The following NECTIN1 variants were observed in gnomAD, a reference collection of about 807,000 sequenced individuals.
The protein encoded by NECTIN1 is nectin cell adhesion molecule 1.
In NECTIN1, 23 loss-of-function variants were observed where a neutral mutation model predicts 48.0. The observed-to-expected ratio is 0.48, with a 90% CI of 0.34 to 0.68. The LOEUF is 0.68. Ranked by LOEUF, NECTIN1 falls within the 30% of genes least tolerant of loss-of-function variation. The pLI is 0.01. For missense variants in NECTIN1, 591 were observed against 709.9 expected (o/e 0.83, Z 1.90); for synonymous variants, 270 against 288.9 (o/e 0.93, Z 0.66).
Position 119,728,515 on chromosome 11 carries a change from C to A in NECTIN1, c.39G>T (p.Trp13Cys). ...RMGLAGAAGR[W>C]WGLALGLTAF... ...CGGTCAAGCCGAGAGCGAGTCCCCA[C>A]CAGCGTCCAGCGGCGCCCGCAAGCC... Residue 13 changes from tryptophan to cysteine, a missense_variant, in exon 1 of 6, where the codon TGG (tryptophan) becomes TGT (cysteine). Transcript: ENST00000264025. 1 of 1,597,242 alleles carries A rather than the reference C, an allele frequency of 6.3e-7. No individual in the cohort carries two copies. Among genetic ancestry groups the A allele is most frequent in the Non-Finnish European group, 8.5e-7 (1 of 1,172,632 alleles).
Position 119,677,556 on chromosome 11 carries a change from C to T in NECTIN1, c.732G>A (p.Gln244=). ...CCCCTGGCAGCCAGCCCTGCTCACA[C>T]TGCACGTTGAGAGTGAGGCTTTCCT... ...RFKESLTLNV[Q]YEPEVTIEGF... The change falls in exon 3 of 6, where the codon CAG becomes CAA. Residue 244 remains glutamine, a splice_region_variant and synonymous_variant. Transcript: ENST00000264025. This position sits in a 1 kb window ranked among gnomAD's most constrained non-coding sequence, Gnocchi z 5.4. The T allele has an allele frequency of 2.5e-6, 4 of 1,612,564 alleles. No homozygotes were observed. The highest frequency in any genetic ancestry group is 1.1e-5 in the South Asian group (1 of 91,004).
At position 119,663,503 on chromosome 11, in the gene NECTIN1, G is replaced by A; in HGVS notation, c.*1244C>T. 2.0e-6 allele frequency: 2 copies of A among 985,552 alleles called. No homozygotes were observed. Among genetic ancestry groups the A allele is most frequent in the South Asian group, 4.7e-5 (1 of 21,294 alleles). 61.1% of individuals were successfully genotyped at this position (985,552 alleles called of 1,614,324 possible). ...AGCGGCCCCACCCCCCTCACTTTCTGCCAGGCCCGAGGCTTTGACAATGGC... is the reference window on the plus strand; with the variant it reads ...AGCGGCCCCACCCCCCTCACTTTCTACCAGGCCCGAGGCTTTGACAATGGC... On this transcript the variant is annotated 3_prime_UTR_variant, in exon 6 of 6. Transcript: ENST00000264025.
At chr11:119,638,332 A>T in intron 7 of NECTIN1, 3 of 1,530,838 alleles carry the variant, frequency 2.0e-6, no homozygotes, top group Non-Finnish European at 2.7e-6. Context: ...TTGGATTGGG[A>T]CTCCTCAGTT....
intron 5 of NECTIN1, among the ~76,000 whole-genome samples, chr11:119,655,424 T>G (rs1257524186): frequency 3.3e-5 from 5 of 152,100 alleles, no homozygotes; most frequent in Admixed American, 6.5e-5. Flanking sequence ...CTGCGACTGG[T>G]CTGTAGGTAA....
In NECTIN1 at chr11:119,727,016, AC is replaced by A. The variant is rs906823492; in HGVS notation, c.79+1458del. ...CACCTGTGAGCCCTGGATTTTCCCC[AC>A]CCCCCACATCGAGCAGGGCAGCACC... On this transcript the variant is annotated intron_variant, in intron 1 of 5. Coordinates refer to ENST00000264025, the MANE Select transcript of NECTIN1 (RefSeq NM_002855.5). The surrounding 1 kb of genome is among the most constrained non-coding windows in gnomAD (Gnocchi z 4.1). Among the ~76,000 whole-genome samples the A allele has an allele frequency of 1.3e-5, 2 of 151,252 alleles. No homozygotes were observed. The highest frequency in any genetic ancestry group is 2.9e-5 in the Non-Finnish European group (2 of 67,804).
At chr11:119,650,334 A>T (rs1439552539) in intron 5 of NECTIN1, among the ~76,000 whole-genome samples, 1 of 152,178 alleles carries the variant, frequency 6.6e-6, no homozygotes, top group African/African-American at 2.4e-5. Context: ...AGTGCTGTGT[A>T]TTCTACAACT....
intron 5 of NECTIN1, chr11:119,641,054 C>T (rs1864316343): frequency 6.6e-6 from 1 of 152,150 alleles, no homozygotes; most frequent in African/African-American, 2.4e-5. Context: ...CTCATTCACT[C>T]ACTCACTTTC....
chr11:119,713,996 C>T (rs555421936), intron 1 of NECTIN1: 5 of 386,564 alleles, frequency 1.3e-5, no homozygotes, highest in East Asian at 7.7e-5. Flanking sequence ...CCTGAGTGGC[C>T]CCCCCCTTGG....
intron 5 of NECTIN1, among the ~76,000 whole-genome samples, chr11:119,644,513 C>T (rs1024044862): frequency 6.6e-6 from 1 of 152,230 alleles, no homozygotes; most frequent in African/African-American, 2.4e-5. Flanking sequence ...CCTGTTGTTC[C>T]TCCTTCAGTT....
At chr11:119,667,355 T>TGGGAGGGATG (rs749383253) in intron 5 of NECTIN1, among the ~76,000 whole-genome samples, 2,802 of 152,086 alleles carry the variant, frequency 0.018, 95 homozygotes, top group African/African-American at 0.064. Flanking sequence ...TCTTCATCCA[T>TGGGAGGGATG]CCCTCCCATC....
exon 7 of NECTIN1, chr11:119,638,765 C>T (rs371021688): frequency 2.5e-6 from 4 of 1,614,000 alleles, no homozygotes; most frequent in Non-Finnish European, 3.4e-6. Flanking sequence ...GCTTTGCCTG[C>T]TGGGAGAAGG....
chr11:119,668,933 A>C (rs1298005781), intron 5 of NECTIN1, among the ~76,000 whole-genome samples: 1 of 152,164 alleles, frequency 6.6e-6, no homozygotes, highest in African/African-American at 2.4e-5. Context: ...CTATAAGCTC[A>C]CTATTGTTAC....
chr11:119,728,644 G>C lies in NECTIN1; in HGVS notation c.-91C>G. 2 of 766,826 alleles carry C rather than the reference G, an allele frequency of 2.6e-6. No homozygotes were observed. The highest frequency in any genetic ancestry group is 3.5e-5 in the Admixed American group (1 of 28,968). The allele number at this position is 766,826 out of a possible 1,614,324, so 47.5% of individuals were successfully genotyped here. The stretch of plus-strand genomic sequence containing the variant: ...CGGAAGATGAGGGAAGATCGCTGGC[G>C]GTCGGCGGGCGCTCGAAGGATCCAG... On this transcript the variant is annotated 5_prime_UTR_variant, in exon 1 of 6. Transcript: ENST00000264025.
intron 5 of NECTIN1, among the ~76,000 whole-genome samples, chr11:119,674,206 A>G (rs142693207): frequency 6.6e-6 from 1 of 152,000 alleles, no homozygotes; most frequent in Non-Finnish European, 1.5e-5. Flanking sequence ...GTTACTTCCT[A>G]TATCTCAGTC....
Position 119,665,207 on chromosome 11 carries a change from A to G in NECTIN1, c.1094T>C (p.Leu365Pro). ...AIIGGVAGSI[L>P]LVLIVVGGIV... The stretch of plus-strand genomic sequence containing the variant: ...CCCGCCGACCACAATCAACACCAGC[A>G]GGATGCTCCCCGCCACGCCCCCAAT... The change falls in exon 6 of 6, where the codon CTG becomes CCG. Residue 365 changes from leucine to proline, a missense_variant. Transcript: ENST00000264025. The surrounding 1 kb of genome is among the most constrained non-coding windows in gnomAD (Gnocchi z 5.1). 6.2e-7 allele frequency: 1 copy of G among 1,606,880 alleles called. No homozygotes were observed. Among genetic ancestry groups the G allele is most frequent in the South Asian group, 1.1e-5 (1 of 91,068 alleles).
chr11:119,646,290 C>T (rs1565375383), intron 5 of NECTIN1, among the ~76,000 whole-genome samples: 1 of 152,238 alleles, frequency 6.6e-6, no homozygotes, highest in Non-Finnish European at 1.5e-5. Context: ...TGCCCGACTT[C>T]CAGTCCATCT....
intron 5 of NECTIN1, among the ~76,000 whole-genome samples, chr11:119,651,497 G>C (rs943228516): frequency 1.3e-5 from 2 of 152,238 alleles, no homozygotes; most frequent in African/African-American, 4.8e-5. Context: ...TGGGGAGCCT[G>C]CTCCTACCGT....
At chr11:119,651,027 T>C (rs181005348) in intron 5 of NECTIN1, among the ~76,000 whole-genome samples, 1 of 152,348 alleles carries the variant, frequency 6.6e-6, no homozygotes, top group East Asian at 1.9e-4. Flanking sequence ...CAAAGGTCTG[T>C]AATTCTTGGA....
intron 5 of NECTIN1, chr11:119,640,796 C>T (rs1005316033): frequency 3.3e-5 from 5 of 152,290 alleles, no homozygotes; most frequent in African/African-American, 1.2e-4. Flanking sequence ...CCTCCTTCTG[C>T]TGGGCTCGAT....
Sources: allele counts gnomAD v4.1 joint callset (sites outside exome capture counted in the v4.1 genomes callset), GRCh38; gene constraint gnomAD v4.1.1; non-coding constraint Gnocchi (gnomAD v3.1); transcripts MANE v1.5; gene names NCBI Gene and HGNC (gene_info 2026-07-23, HGNC 2026-07-21).